The following TENT2 variants were observed in gnomAD, a reference collection of about 807,000 sequenced individuals.
The protein encoded by TENT2 is terminal nucleotidyltransferase 2.
In TENT2, 44 loss-of-function variants were observed where a neutral mutation model predicts 72.2. That is an observed-to-expected ratio of 0.61 (90% confidence interval 0.48 to 0.78). The LOEUF (loss-of-function observed/expected upper bound fraction) is 0.78. Among genes scored for constraint, TENT2 ranks in the 30% least tolerant of loss-of-function variants. TENT2 has a pLI of 0.00. For synonymous variants in TENT2, 212 were observed against 192.5 expected (o/e 1.10, Z -0.84); for missense variants, 541 against 569.6 (o/e 0.95, Z 0.51).
chr5:79,619,932 C>T lies in TENT2; in HGVS notation c.138-62C>T, dbSNP rs764034901. ...GATGTATTTAATTTTTTTTCAGAGA[C>T]TGGTTTTGTTTTTAAAGAAAAAATA... On this transcript the variant is annotated intron_variant, in intron 2 of 14. Coordinates refer to ENST00000453514, the MANE Select transcript of TENT2 (RefSeq NM_001114394.3). 567 of 1,449,488 alleles carry T rather than the reference C, an allele frequency of 3.9e-4. 1 individual carries two copies. The highest frequency in any genetic ancestry group is 4.5e-4 in the South Asian group (35 of 77,058). 89.8% of individuals were successfully genotyped at this position (1,449,488 alleles called of 1,614,324 possible).
rs1043217589 is a variant in TENT2, at chr5:79,612,546, A to G, written c.-567A>G. 1 of 152,876 alleles carries G rather than the reference A, an allele frequency of 6.5e-6. No individual in the cohort carries two copies. Among genetic ancestry groups the G allele is most frequent in the African/African-American group, 2.4e-5 (1 of 41,340 alleles). The allele number at this position is 152,876 out of a possible 1,614,324, so 9.5% of individuals were successfully genotyped here. ...TTTTTGCCACCGCCCCCAACCTTCT[A>G]TATCCTTGCAGCCCCTACCTTTTCT... On this transcript the variant is annotated 5_prime_UTR_variant, in exon 1 of 15. Coordinates refer to ENST00000453514, the MANE Select transcript of TENT2 (RefSeq NM_001114394.3).
chr5:79,648,448 T>C (rs1790933807), intron 8 of TENT2, among the ~76,000 whole-genome samples, 169 bp from the exon 9 acceptor site: 1 of 152,242 alleles, frequency 6.6e-6, no homozygotes. Flanking sequence ...ACTGAGTATT[T>C]GTTCATTCTT....
At chr5:79,642,462 T>G (rs1785219406) in intron 6 of TENT2, among the ~76,000 whole-genome samples, 1 of 152,108 alleles carries the variant, frequency 6.6e-6, no homozygotes, top group Non-Finnish European at 1.5e-5. Flanking sequence ...ACCATAGATA[T>G]GAAACTATCC....
intron 10 of TENT2, among the ~76,000 whole-genome samples, chr5:79,653,563 T>C (rs1407674669): frequency 6.6e-6 from 1 of 152,216 alleles, no homozygotes; most frequent in African/African-American, 2.4e-5. Context: ...GTTTAGACTT[T>C]GCCAAACATT....
chr5:79,681,137 T>G (rs926407590), intron 13 of TENT2, among the ~76,000 whole-genome samples: 3 of 150,074 alleles, frequency 2.0e-5, no homozygotes, highest in Non-Finnish European at 4.4e-5. Context: ...TTACTTCTTT[T>G]TTCTTTTCTT....
chr5:79,623,900 C>A (rs1267582044), intron 4 of TENT2, among the ~76,000 whole-genome samples: 1 of 151,780 alleles, frequency 6.6e-6, no homozygotes, highest in Non-Finnish European at 1.5e-5. Context: ...CCAGGAGTCA[C>A]TGAGAAAAAC....
At chr5:79,630,000 G>A (rs576488043) in intron 4 of TENT2, among the ~76,000 whole-genome samples, 1 of 151,974 alleles carries the variant, frequency 6.6e-6, no homozygotes, top group Admixed American at 6.5e-5. Flanking sequence ...GCTGGGCGTG[G>A]TGGCGTGTGC....
intron 11 of TENT2, among the ~76,000 whole-genome samples, chr5:79,659,272 C>T (rs1360422875): frequency 3.3e-5 from 5 of 151,398 alleles, no homozygotes; most frequent in Admixed American, 2.0e-4. Context: ...TGGTGGCTCA[C>T]GCCTGTAATC....
At chr5:79,677,121 C>T (rs1047325540) in intron 12 of TENT2, among the ~76,000 whole-genome samples, 3 of 152,036 alleles carry the variant, frequency 2.0e-5, no homozygotes, top group East Asian at 3.9e-4. Context: ...TTATATGTCA[C>T]GTTTTAATGA....
Position 79,686,925 on chromosome 5 carries a change from A to G in TENT2, c.*1652A>G, listed in dbSNP as rs1192323304. Among the ~76,000 whole-genome samples the G allele has an allele frequency of 6.6e-6, 1 of 152,172 alleles. No homozygotes were observed. The highest frequency in any genetic ancestry group is 1.5e-5 in the Non-Finnish European group (1 of 68,020). The stretch of plus-strand genomic sequence containing the variant: ...TAATCAGAATGTACTGAGTAGAGTT[A>G]ATATTCTAGTGATGACTGGGTAATC... On this transcript the variant is annotated 3_prime_UTR_variant, in exon 15 of 15. Coordinates refer to ENST00000453514, the MANE Select transcript of TENT2 (RefSeq NM_001114394.3).
chr5:79,622,073 G>T lies in TENT2; in HGVS notation c.228-1179G>T, dbSNP rs577227339. On this transcript the variant is annotated intron_variant, in intron 3 of 14. Transcript: ENST00000453514. The stretch of plus-strand genomic sequence containing the variant: ...CCCAGCACTTTGGGAGGCTGAGGTG[G>T]GCAGGTCATTTGAGGTCAGGAGTTC... Among the ~76,000 whole-genome samples the T allele has an allele frequency of 1.4e-4, 21 of 152,110 alleles. No individual in the cohort carries two copies. In the East Asian group the frequency reaches 4.1e-3, roughly 29 times the overall value.
At chr5:79,646,803 A>G (rs974539950) in intron 8 of TENT2, among the ~76,000 whole-genome samples, 2 of 147,378 alleles carry the variant, frequency 1.4e-5, no homozygotes, top group Non-Finnish European at 3.0e-5. Flanking sequence ...GGGTTTTACC[A>G]TGTTGCCCAG....
intron 12 of TENT2, among the ~76,000 whole-genome samples, chr5:79,674,718 T>G (rs1815826077): frequency 6.6e-6 from 1 of 152,248 alleles, no homozygotes. Context: ...TTTTATACTT[T>G]TAATTTTTTT....
At chr5:79,630,715 G>A (rs987072510) in intron 4 of TENT2, among the ~76,000 whole-genome samples, 1 of 152,090 alleles carries the variant, frequency 6.6e-6, no homozygotes, top group Non-Finnish European at 1.5e-5. Context: ...TTGAGGGGAA[G>A]TGGTTGAAGG....
rs1554086833 is a variant in TENT2, at chr5:79,659,556, G to GTATATGTATATA, written c.1071+2560_1071+2561insGTATATATATAT. ...CAAAAAAAAAAAAAAAAAAAAAAAT[G>GTATATGTATATA]TATATATATATATATATATATATAT... On this transcript the variant is annotated intron_variant, in intron 11 of 14. Transcript: ENST00000453514. Among the ~76,000 whole-genome samples the GTATATGTATATA allele has an allele frequency of 1.2e-4, 4 of 34,270 alleles. 1 individual carries two copies. Among genetic ancestry groups the GTATATGTATATA allele is most frequent in the African/African-American group, 3.8e-4 (3 of 7,886 alleles). The allele number at this position is 34,270 out of a possible 152,430, so 22.5% of individuals were successfully genotyped here. A position where few individuals can be genotyped will look rare whatever the true frequency, so the allele number is the denominator to read the frequency against.
chr5:79,638,439 G>A (rs975560059), intron 4 of TENT2, among the ~76,000 whole-genome samples: 5 of 151,998 alleles, frequency 3.3e-5, no homozygotes, highest in Non-Finnish European at 7.4e-5. Flanking sequence ...TCTCTTCCTG[G>A]CAGTTTCTGC....
chr5:79,644,700 A>C (rs1413588655), intron 7 of TENT2: 1 of 153,558 alleles, frequency 6.5e-6, no homozygotes, highest in Non-Finnish European at 1.4e-5. Context: ...CATAGAGATC[A>C]CACTTATCGA....
chr5:79,675,507 G>A (rs1157158938), intron 12 of TENT2, among the ~76,000 whole-genome samples: 4 of 152,168 alleles, frequency 2.6e-5, no homozygotes, highest in Non-Finnish European at 4.4e-5. Context: ...AAGACAGTAC[G>A]GTTGGGGGTA....
intron 10 of TENT2, among the ~76,000 whole-genome samples, chr5:79,655,180 G>A (rs911538947): frequency 3.3e-5 from 5 of 152,058 alleles, no homozygotes; most frequent in African/African-American, 4.8e-5. Context: ...ACTAATATCA[G>A]GATATTGTTA....
Sources: gnomAD v4.1 joint callset for allele counts (sites outside exome capture counted in the v4.1 genomes callset) on GRCh38, gnomAD v4.1.1 for gene constraint, MANE v1.5 for transcripts, NCBI Gene and HGNC (gene_info 2026-07-23, HGNC 2026-07-21) for gene names.